ZNF469: variants seen among roughly 807,000 people sequenced by gnomAD.
ZNF469 encodes the protein zinc finger protein 469.
A neutral mutation model predicts 1.0 loss-of-function variants in ZNF469; 1 was observed. The ratio of observed to expected loss-of-function variants is 1.00; its 90% CI spans 0.35 to 4.73. ZNF469 has a LOEUF of 4.73. Among genes scored for constraint, ZNF469 ranks in the 30% most tolerant of loss-of-function variants. ZNF469 has a pLI of 0.16. For missense variants in ZNF469, 6,100 were observed against 5,356.3 expected (o/e 1.14, Z -4.33); for synonymous variants, 2,703 against 2,363.4 (o/e 1.14, Z -4.17).
At chr16:88,342,749 G>A in the ZNF469 span, among the ~76,000 whole-genome samples, 4 of 152,236 alleles carry the variant, frequency 2.6e-5, no homozygotes, top group African/African-American at 9.6e-5. Context: ...GTTGGGCCAG[G>A]TGGGAGAACG....
At chr16:88,361,581 TC>T in the ZNF469 span, among the ~76,000 whole-genome samples, 1 of 152,216 alleles carries the variant, frequency 6.6e-6, no homozygotes. Context: ...CTGTTCTAAT[TC>T]TTTATATGCC....
the ZNF469 span, among the ~76,000 whole-genome samples, chr16:88,114,927 G>A: frequency 6.7e-6 from 1 of 149,756 alleles, no homozygotes; most frequent in Non-Finnish European, 1.5e-5. Context: ...TTCTCAGTCT[G>A]TAAAAAATTT....
At chr16:88,373,575 G>A in the ZNF469 span, among the ~76,000 whole-genome samples, 1 of 152,208 alleles carries the variant, frequency 6.6e-6, no homozygotes, top group Non-Finnish European at 1.5e-5. Context: ...GCCTGGACCA[G>A]ACCACCCTCA....
At chr16:88,117,552 T>C in the ZNF469 span, among the ~76,000 whole-genome samples, 1 of 152,244 alleles carries the variant, frequency 6.6e-6, no homozygotes. Context: ...TTTATACCTG[T>C]GGAAGTGTCA....
In ZNF469 at chr16:88,428,843, C is replaced by T. The variant is rs1336934487; in HGVS notation, c.1373C>T (p.Ala458Val). The T allele has an allele frequency of 1.9e-6, 3 of 1,548,364 alleles. No individual in the cohort carries two copies. The highest frequency in any genetic ancestry group is 2.6e-6 in the Non-Finnish European group (3 of 1,146,382). ...ACACCTCCTGGGGGCCCCCTGGCTGCCACCAGGAGTATGTTCTTTAACGGC... is the reference window on the plus strand; with the variant it reads ...ACACCTCCTGGGGGCCCCCTGGCTGTCACCAGGAGTATGTTCTTTAACGGC... The part of the protein sequence containing the change: ...YPTPPGGPLA[A>V]TRSMFFNGQP... The change falls in exon 3 of 3, where the codon GCC becomes GTC. Residue 458 changes from alanine to valine, a missense_variant. Physicochemically the swap from Ala to Val is moderately conservative, Grantham distance 64. Coordinates refer to ENST00000565624, the MANE Select transcript of ZNF469 (RefSeq NM_001367624.2).
chr16:88,385,261 T>G (rs575957932), intron 1 of ZNF469, among the ~76,000 whole-genome samples: 18 of 152,196 alleles, frequency 1.2e-4, no homozygotes, highest in African/African-American at 4.3e-4. Context: ...GTGCCCTAGA[T>G]ATCAGGCCAT....
At chr16:88,350,601 A>C in the ZNF469 span, among the ~76,000 whole-genome samples, 1 of 152,212 alleles carries the variant, frequency 6.6e-6, no homozygotes, top group African/African-American at 2.4e-5. Context: ...GGTGGGCGGA[A>C]TAAGATCATG....
the ZNF469 span, among the ~76,000 whole-genome samples, chr16:88,140,936 A>C: frequency 1.2e-4 from 18 of 152,262 alleles, 1 homozygote; most frequent in South Asian, 6.2e-4. Flanking sequence ...CTGTCTCAAA[A>C]AAACAAACAA....
At chr16:88,282,342 C>T in the ZNF469 span, among the ~76,000 whole-genome samples, 1,017 of 152,220 alleles carry the variant, frequency 6.7e-3, 12 homozygotes, top group African/African-American at 0.023. Context: ...CAAAAGTCAG[C>T]CCTGGGTGAT....
chr16:88,180,720 G>A, the ZNF469 span, among the ~76,000 whole-genome samples: 10 of 151,924 alleles, frequency 6.6e-5, no homozygotes, highest in African/African-American at 2.4e-4. Flanking sequence ...GTTGCAGTGA[G>A]CCAACGTGGT....
chr16:88,380,782 TCACACACATGCACTCA>T (rs1567495624), upstream of ZNF469, among the ~76,000 whole-genome samples: 1 of 75,570 alleles, frequency 1.3e-5, no homozygotes, highest in African/African-American at 7.2e-5. Context: ...ACACATGCAC[TCACACACATGCACTCA>T]CACATGCACA....
chr16:88,377,128 T>C, the ZNF469 span, among the ~76,000 whole-genome samples: 1 of 152,240 alleles, frequency 6.6e-6, no homozygotes, highest in Non-Finnish European at 1.5e-5. Flanking sequence ...ACCACTCCTG[T>C]GTCTTCTGCA....
Position 88,431,441 on chromosome 16 carries a change from C to T in ZNF469, c.3971C>T (p.Pro1324Leu), listed in dbSNP as rs1388637987. The T allele has an allele frequency of 5.2e-6, 8 of 1,550,272 alleles. No individual in the cohort carries two copies. In the Admixed American group the frequency reaches 5.9e-5, roughly 11 times the overall value. ...HNSKDPPARQ[P>L]GEFLAPVANP... ...AGCAAGGACCCCCCTGCCCGCCAGC[C>T]TGGAGAATTTCTGGCACCCGTGGCT... Residue 1324 changes from proline to leucine, a missense_variant, in exon 3 of 3, where the codon CCT (proline) becomes CTT (leucine). By Grantham distance (98) the Pro-to-Leu change is moderately conservative. Transcript: ENST00000565624.
the ZNF469 span, among the ~76,000 whole-genome samples, chr16:88,262,646 C>A: frequency 6.6e-6 from 1 of 152,194 alleles, no homozygotes; most frequent in South Asian, 2.1e-4. This position sits in a 1 kb window ranked among gnomAD's most constrained non-coding sequence, Gnocchi z 4.3. Context: ...CTATTGGGGT[C>A]CCCTCCTGGG....
At chr16:88,187,412 G>C in the ZNF469 span, among the ~76,000 whole-genome samples, 1 of 152,172 alleles carries the variant, frequency 6.6e-6, no homozygotes, top group Non-Finnish European at 1.5e-5. Flanking sequence ...TTGCATACAG[G>C]AAGGAAAACC....
At chr16:88,280,720 T>C in the ZNF469 span, among the ~76,000 whole-genome samples, 1 of 151,288 alleles carries the variant, frequency 6.6e-6, no homozygotes, top group Admixed American at 6.6e-5. Flanking sequence ...CGATGCTTGG[T>C]CAGTACCATG....
At chr16:88,389,240 C>G (rs552068615) in intron 1 of ZNF469, among the ~76,000 whole-genome samples, 1 of 152,236 alleles carries the variant, frequency 6.6e-6, no homozygotes, top group Non-Finnish European at 1.5e-5. Context: ...CTGGACACTT[C>G]GAGTACGTGG....
At chr16:88,187,013 C>G in the ZNF469 span, among the ~76,000 whole-genome samples, 1 of 152,182 alleles carries the variant, frequency 6.6e-6, no homozygotes. Context: ...GGAGAAAGTT[C>G]TAGCAGCCCT....
the ZNF469 span, among the ~76,000 whole-genome samples, chr16:88,115,288 C>T: frequency 0.086 from 13,010 of 152,086 alleles, 701 homozygotes; most frequent in East Asian, 0.26. Context: ...TTCTGATCTG[C>T]AATAGATATA....
Sources: allele counts gnomAD v4.1 joint callset (sites outside exome capture counted in the v4.1 genomes callset), GRCh38; gene constraint gnomAD v4.1.1; non-coding constraint Gnocchi (gnomAD v3.1); transcripts MANE v1.5; gene names NCBI Gene and HGNC (gene_info 2026-07-23, HGNC 2026-07-21).